Variants in PTPRT observed in about 807,000 individuals in gnomAD.
PTPRT encodes the protein receptor-type tyrosine-protein phosphatase T.
Under a neutral mutation model 176.8 loss-of-function variants are expected in PTPRT, and 56 were observed. The observed-to-expected ratio is 0.32, with a 90% CI of 0.26 to 0.40. The LOEUF is 0.40. PTPRT is among the 10% of genes least tolerant of loss of function. The pLI is 1.00. For missense variants in PTPRT, 1,540 were observed against 1,908.2 expected (o/e 0.81, Z 3.60); for synonymous variants, 783 against 739.0 (o/e 1.06, Z -0.96).
intron 17 of PTPRT, among the ~76,000 whole-genome samples, chr20:42,148,435 G>A (rs1258237555): frequency 2.6e-5 from 4 of 152,106 alleles, no homozygotes; most frequent in Non-Finnish European, 4.4e-5. Flanking sequence ...GACAGGAAAT[G>A]ACTTGCCCAA....
chr20:42,799,742 T>G (rs1440352375), intron 2 of PTPRT, among the ~76,000 whole-genome samples: 1 of 152,120 alleles, frequency 6.6e-6, no homozygotes, highest in Non-Finnish European at 1.5e-5. Context: ...ATGCACCCAT[T>G]TTAACCACAC....
intron 7 of PTPRT, among the ~76,000 whole-genome samples, chr20:42,479,472 A>G (rs575406079): frequency 6.6e-6 from 1 of 152,344 alleles, no homozygotes; most frequent in South Asian, 2.1e-4. Flanking sequence ...CGATGTGACC[A>G]TTAATTTGCA....
intron 1 of PTPRT, among the ~76,000 whole-genome samples, chr20:43,178,877 C>A (rs1233236017): frequency 1.3e-5 from 2 of 152,196 alleles, no homozygotes; most frequent in South Asian, 4.1e-4. Flanking sequence ...GAAGGGTGAA[C>A]TCAAGGTGTC....
At chr20:42,567,975 T>C (rs1203945393) in intron 7 of PTPRT, among the ~76,000 whole-genome samples, 1 of 147,164 alleles carries the variant, frequency 6.8e-6, no homozygotes. Context: ...TTTTTTTGCT[T>C]TTTTTTTTTT....
chr20:42,637,552 G>A (rs1237091351), intron 7 of PTPRT, among the ~76,000 whole-genome samples: 1 of 152,132 alleles, frequency 6.6e-6, no homozygotes, highest in Non-Finnish European at 1.5e-5. Flanking sequence ...GTGCAGAGAA[G>A]CTTTCCATAA....
At chr20:43,042,240 A>G (rs1326891573) in intron 1 of PTPRT, among the ~76,000 whole-genome samples, 3 of 152,202 alleles carry the variant, frequency 2.0e-5, no homozygotes, top group Admixed American at 1.3e-4. Context: ...TAGTAGGTAC[A>G]TTGTTTATTC....
chr20:42,183,625 C>G (rs536452105), intron 16 of PTPRT, among the ~76,000 whole-genome samples: 1 of 152,170 alleles, frequency 6.6e-6, no homozygotes, highest in African/African-American at 2.4e-5. Flanking sequence ...CACCTCTATG[C>G]CCCTGTATAT....
chr20:42,864,680 T>C (rs1481508229), intron 2 of PTPRT, among the ~76,000 whole-genome samples: 2 of 152,178 alleles, frequency 1.3e-5, no homozygotes, highest in Admixed American at 6.5e-5. Flanking sequence ...CCCTGAACCT[T>C]GAACGTGTAT....
At chr20:42,199,163 GT>G in intron 16 of PTPRT, 76 bp downstream of exon 16, 1 of 1,520,560 alleles carries the variant, frequency 6.6e-7, no homozygotes, top group Non-Finnish European at 9.0e-7. Context: ...CCTGATCAAT[GT>G]GTGGGGTTCA....
At chr20:42,741,545 C>T (rs2076610552) in intron 6 of PTPRT, among the ~76,000 whole-genome samples, 1 of 151,904 alleles carries the variant, frequency 6.6e-6, no homozygotes, top group South Asian at 2.1e-4. Flanking sequence ...AGGGTTTCAC[C>T]ATGTTGGCCA....
In PTPRT at chr20:42,449,749, G is replaced by T. The variant is rs7267679; in HGVS notation, c.1451-1420C>A. 3.4e-3 allele frequency among the ~76,000 whole-genome samples: 517 copies of T among 152,222 alleles called. 2 individuals carry two copies. The highest frequency in any genetic ancestry group is 0.011 in the African/African-American group (471 of 41,534). ...CTACATATAGCCTTGGCCATATGTT[G>T]CAATCAGTTCCCCTTTGTTAAATTA... On this transcript the variant is annotated intron_variant, in intron 8 of 30. Coordinates refer to ENST00000373187, the MANE Select transcript of PTPRT (RefSeq NM_007050.6).
chr20:42,881,984 T>C (rs2079019491), intron 2 of PTPRT, among the ~76,000 whole-genome samples: 1 of 152,118 alleles, frequency 6.6e-6, no homozygotes, highest in East Asian at 1.9e-4. Flanking sequence ...ATTTCAGATT[T>C]CATCCTATGT....
chr20:42,086,954 TAGA>T (rs1984031300), intron 27 of PTPRT, among the ~76,000 whole-genome samples: 1 of 151,080 alleles, frequency 6.6e-6, no homozygotes, highest in Non-Finnish European at 1.5e-5. Flanking sequence ...AATTGGAAAT[TAGA>T]ACCTACAGCT....
chr20:42,898,560 G>T (rs2079343917), intron 1 of PTPRT, among the ~76,000 whole-genome samples: 1 of 151,948 alleles, frequency 6.6e-6, no homozygotes, highest in Admixed American at 6.6e-5. Flanking sequence ...CTCCCTTCAT[G>T]GTACCTAGCT....
chr20:42,963,057 G>A (rs1449214635), intron 1 of PTPRT, among the ~76,000 whole-genome samples: 3 of 152,052 alleles, frequency 2.0e-5, no homozygotes, highest in South Asian at 2.1e-4. Flanking sequence ...AAAATTAGCC[G>A]GGCATGGTGG....
intron 9 of PTPRT, among the ~76,000 whole-genome samples, chr20:42,414,576 G>A (rs1353097651): frequency 1.3e-5 from 2 of 152,166 alleles, no homozygotes; most frequent in African/African-American, 2.4e-5. Context: ...TGAAAAGCCA[G>A]TAGCTTCACA....
At chr20:42,575,233 G>A (rs2073236782) in intron 7 of PTPRT, among the ~76,000 whole-genome samples, 1 of 152,190 alleles carries the variant, frequency 6.6e-6, no homozygotes, top group Admixed American at 6.5e-5. Flanking sequence ...ATGGGGGGCA[G>A]CAAGTGATCC....
the PTPRT span, among the ~76,000 whole-genome samples, chr20:42,051,919 T>C: frequency 1.6e-4 from 25 of 152,320 alleles, no homozygotes; most frequent in South Asian, 2.5e-3. Context: ...AACTCCCAGA[T>C]TGTTTAGCTC....
intron 1 of PTPRT, among the ~76,000 whole-genome samples, chr20:42,976,491 C>T (rs753902573): frequency 7.2e-5 from 11 of 151,974 alleles, no homozygotes; most frequent in African/African-American, 2.4e-4. Context: ...GTGCAACCTC[C>T]GCCTCCTGGG....
Sources: allele counts gnomAD v4.1 joint callset (sites outside exome capture counted in the v4.1 genomes callset), GRCh38; gene constraint gnomAD v4.1.1; transcripts MANE v1.5; gene names NCBI Gene and HGNC (gene_info 2026-07-23, HGNC 2026-07-21).